TENM3: variants seen among roughly 807,000 people sequenced by gnomAD.
TENM3 encodes teneurin transmembrane protein 3, also known as teneurin-3.
Under a neutral mutation model 255.1 loss-of-function variants are expected in TENM3, and 63 were observed. That is an observed-to-expected ratio of 0.25 (90% CI 0.20 to 0.30). TENM3 has a LOEUF of 0.30. TENM3 is among the 10% of genes least tolerant of loss of function. The pLI is 1.00. For missense variants in TENM3, 2,929 were observed against 3,461.1 expected, an observed-to-expected ratio of 0.85 and a Z score of 3.86; for synonymous variants, 1,306 against 1,322.3, an observed-to-expected ratio of 0.99 and a Z score of 0.27.
At chr4:181,888,566 A>G in the TENM3 span, among the ~76,000 whole-genome samples, 37 of 90,730 alleles carry the variant, frequency 4.1e-4, no homozygotes, top group South Asian at 7.2e-4. Context: ...ATATACATAT[A>G]TGTATATATA....
the TENM3 span, among the ~76,000 whole-genome samples, chr4:181,588,740 G>A: frequency 6.6e-6 from 1 of 152,130 alleles, no homozygotes; most frequent in Non-Finnish European, 1.5e-5. Flanking sequence ...ACAAATACAA[G>A]GAAACTGCAT....
At chr4:181,583,286 C>T in the TENM3 span, among the ~76,000 whole-genome samples, 1 of 152,100 alleles carries the variant, frequency 6.6e-6, no homozygotes, top group Non-Finnish European at 1.5e-5. Flanking sequence ...CAAAGTTCCA[C>T]CAGGCCATAT....
At chr4:181,591,627 C>A in the TENM3 span, among the ~76,000 whole-genome samples, 1 of 152,212 alleles carries the variant, frequency 6.6e-6, no homozygotes, top group Non-Finnish European at 1.5e-5. Context: ...CAGTTGAGCG[C>A]ACATCACTGC....
At chr4:181,457,838 G>A in the TENM3 span, among the ~76,000 whole-genome samples, 2 of 151,800 alleles carry the variant, frequency 1.3e-5, no homozygotes, top group Admixed American at 1.3e-4. Context: ...TATTAAAAAG[G>A]TTTCACATAA....
the TENM3 span, among the ~76,000 whole-genome samples, chr4:181,485,130 A>G: frequency 6.6e-6 from 1 of 152,208 alleles, no homozygotes; most frequent in East Asian, 1.9e-4. Flanking sequence ...AATTTAAAAC[A>G]TAAGTGTCAA....
At chr4:182,762,099 A>T (rs1010267456) in intron 22 of TENM3, among the ~76,000 whole-genome samples, 5 of 152,208 alleles carry the variant, frequency 3.3e-5, no homozygotes. Context: ...TGTTGTTCAG[A>T]TTACTCAAAA....
chr4:181,994,168 T>G, the TENM3 span, among the ~76,000 whole-genome samples: 1 of 152,312 alleles, frequency 6.6e-6, no homozygotes, highest in African/African-American at 2.4e-5. Flanking sequence ...CTGAAAACAT[T>G]ATATGTTTTG....
At chr4:182,270,106 G>C (rs925779385) in intron 1 of TENM3, among the ~76,000 whole-genome samples, 1 of 152,130 alleles carries the variant, frequency 6.6e-6, no homozygotes, top group African/African-American at 2.4e-5. Flanking sequence ...AAGATAAGGG[G>C]GGTTGTGGAA....
chr4:182,600,486 A>G (rs1423772282), intron 3 of TENM3, among the ~76,000 whole-genome samples: 1 of 152,200 alleles, frequency 6.6e-6, no homozygotes, highest in Non-Finnish European at 1.5e-5. Flanking sequence ...AAAAAACTCC[A>G]TTAAATAATT....
the TENM3 span, among the ~76,000 whole-genome samples, chr4:181,529,440 T>G: frequency 6.6e-6 from 1 of 152,266 alleles, no homozygotes; most frequent in Non-Finnish European, 1.5e-5. Flanking sequence ...AAGGATTAAC[T>G]TCAAACAGAA....
At chr4:181,563,569 C>T in the TENM3 span, among the ~76,000 whole-genome samples, 4 of 152,172 alleles carry the variant, frequency 2.6e-5, no homozygotes, top group South Asian at 6.2e-4. Flanking sequence ...TAGTCTTTAC[C>T]TTAGCAAAAG....
the TENM3 span, among the ~76,000 whole-genome samples, chr4:181,505,971 T>C: frequency 9.9e-5 from 15 of 152,222 alleles, no homozygotes; most frequent in African/African-American, 2.9e-4. Flanking sequence ...ATTTAATAGG[T>C]CAAAAAATTA....
the TENM3 span, among the ~76,000 whole-genome samples, chr4:181,714,835 A>T: frequency 6.6e-6 from 1 of 152,252 alleles, no homozygotes; most frequent in South Asian, 2.1e-4. Flanking sequence ...TAGAGCAAAG[A>T]CAAATAAAAT....
At chr4:182,627,832 T>C (rs1162254854) in intron 4 of TENM3, among the ~76,000 whole-genome samples, 1 of 152,146 alleles carries the variant, frequency 6.6e-6, no homozygotes, top group African/African-American at 2.4e-5. Flanking sequence ...CAATTTCTGC[T>C]TAAACATTGT....
chr4:182,275,206 T>C (rs951612640), intron 1 of TENM3, among the ~76,000 whole-genome samples: 1 of 152,348 alleles, frequency 6.6e-6, no homozygotes, highest in South Asian at 2.1e-4. Context: ...TCCTCCTGTG[T>C]GCTGGCTCTC....
At chr4:182,596,445 G>GAAAA (rs886854150) in intron 3 of TENM3, among the ~76,000 whole-genome samples, 8 of 146,148 alleles carry the variant, frequency 5.5e-5, no homozygotes, top group Non-Finnish European at 1.1e-4. Context: ...ATAGAGCCAT[G>GAAAA]AAAAAGGGAC....
intron 3 of TENM3, among the ~76,000 whole-genome samples, chr4:182,598,700 G>A (rs887459828): frequency 7.9e-5 from 12 of 152,142 alleles, no homozygotes; most frequent in African/African-American, 2.9e-4. Flanking sequence ...ATCAAGTCTA[G>A]AAAATGTACT....
At chr4:181,728,150 T>C in the TENM3 span, among the ~76,000 whole-genome samples, 2 of 152,196 alleles carry the variant, frequency 1.3e-5, no homozygotes, top group Non-Finnish European at 2.9e-5. Context: ...TTCAATTTAA[T>C]GAAAACGATT....
chr4:182,240,376 T>C (rs1307964263), upstream of TENM3, among the ~76,000 whole-genome samples: 2 of 152,178 alleles, frequency 1.3e-5, no homozygotes, highest in African/African-American at 4.8e-5. Context: ...CCCCACATTC[T>C]TTAAATATTT....
Sources: allele counts gnomAD v4.1 joint callset (sites outside exome capture counted in the v4.1 genomes callset), GRCh38; gene constraint gnomAD v4.1.1; transcripts MANE v1.5; gene names NCBI Gene and HGNC (gene_info 2026-07-23, HGNC 2026-07-21).